Variants in WWOX observed in about 807,000 individuals in gnomAD.
WWOX encodes the protein WW domain containing oxidoreductase.
A neutral mutation model predicts 46.2 loss-of-function variants in WWOX; 69 were observed. The ratio of observed to expected loss-of-function variants is 1.49; its 90% confidence interval spans 1.23 to 1.82. The LOEUF (loss-of-function observed/expected upper bound fraction) is 1.82. Among genes scored for constraint, WWOX ranks in the 40% most tolerant of loss-of-function variants. WWOX has a pLI of 0.00. For synonymous variants in WWOX, 359 were observed against 202.6 expected, an observed-to-expected ratio of 1.77 and a Z score of -6.56; for missense variants, 919 against 542.6, an observed-to-expected ratio of 1.69 and a Z score of -6.89.
chr16:79,004,052 C>T (rs372270648), intron 8 of WWOX: 2 of 152,168 alleles, frequency 1.3e-5, no homozygotes, highest in Non-Finnish European at 2.9e-5. Flanking sequence ...CACACCATGC[C>T]TTCCCAGTCT....
chr16:78,676,863 G>T (rs541272004), intron 8 of WWOX, among the ~76,000 whole-genome samples: 1 of 152,054 alleles, frequency 6.6e-6, no homozygotes, highest in Non-Finnish European at 1.5e-5. Context: ...GTGCAGTATT[G>T]TTCCATTTTT....
At chr16:79,112,668 C>G (rs11643738) in intron 8 of WWOX, among the ~76,000 whole-genome samples, 15,044 of 152,232 alleles carry the variant, frequency 0.099, 799 homozygotes, top group Non-Finnish European at 0.1. Context: ...AATGTTTGCA[C>G]ATCATTTAAA....
chr16:78,461,482 G>T (rs1161347705), intron 8 of WWOX, among the ~76,000 whole-genome samples: 1 of 152,220 alleles, frequency 6.6e-6, no homozygotes, highest in Non-Finnish European at 1.5e-5. Flanking sequence ...TGCATAGGTG[G>T]GACTGCTGAT....
intron 8 of WWOX, among the ~76,000 whole-genome samples, chr16:78,488,362 T>C (rs1320379803): frequency 6.6e-6 from 1 of 152,262 alleles, no homozygotes; most frequent in African/African-American, 2.4e-5. Flanking sequence ...CATTTTCTAG[T>C]CTAGGTAAAG....
At chr16:78,647,764 G>T (rs2046877728) in intron 8 of WWOX, among the ~76,000 whole-genome samples, 1 of 152,164 alleles carries the variant, frequency 6.6e-6, no homozygotes, top group East Asian at 1.9e-4. Flanking sequence ...GATCTAACTG[G>T]ACCCAAGACA....
chr16:79,130,071 C>T (rs139629133), intron 8 of WWOX, among the ~76,000 whole-genome samples: 22 of 152,238 alleles, frequency 1.4e-4, no homozygotes, highest in South Asian at 6.2e-4. Flanking sequence ...TTGGAATAAC[C>T]GTGTAAGGTT....
intron 8 of WWOX, among the ~76,000 whole-genome samples, chr16:78,956,431 A>C (rs913792188): frequency 6.6e-6 from 1 of 152,164 alleles, no homozygotes; most frequent in African/African-American, 2.4e-5. Flanking sequence ...CTGGGATTAC[A>C]GGCATGAGCC....
intron 5 of WWOX, among the ~76,000 whole-genome samples, chr16:78,384,661 C>T (rs1232452531): frequency 2.0e-5 from 3 of 152,138 alleles, no homozygotes; most frequent in Admixed American, 6.5e-5. Context: ...TGGGCGTTTT[C>T]CCCTTTTCCT....
chr16:78,825,443 C>CA (rs1181795299), intron 8 of WWOX: 3 of 364,836 alleles, frequency 8.2e-6, no homozygotes, highest in African/African-American at 4.2e-5. Context: ...GCCAACAGAA[C>CA]AAAAAATGTT....
At chr16:78,387,119 C>G (rs2082076554) in intron 6 of WWOX, among the ~76,000 whole-genome samples, 171 bp downstream of exon 6, 1 of 152,194 alleles carries the variant, frequency 6.6e-6, no homozygotes, top group Non-Finnish European at 1.5e-5. Flanking sequence ...GACTCACAGT[C>G]ACCTTCATTA....
chr16:78,533,828 C>T (rs2043691232), intron 8 of WWOX, among the ~76,000 whole-genome samples: 1 of 152,222 alleles, frequency 6.6e-6, no homozygotes, highest in African/African-American at 2.4e-5. Context: ...TCCTCGCCCT[C>T]AGCATACTTG....
chr16:79,137,934 A>G (rs528395536), intron 8 of WWOX, among the ~76,000 whole-genome samples: 49 of 152,124 alleles, frequency 3.2e-4, no homozygotes, highest in African/African-American at 1.1e-3. Flanking sequence ...GAAAAAAAAA[A>G]CTTTGAAGTT....
intron 5 of WWOX, among the ~76,000 whole-genome samples, chr16:78,261,321 A>T (rs1380716965): frequency 6.6e-6 from 1 of 151,070 alleles, no homozygotes; most frequent in Non-Finnish European, 1.5e-5. Context: ...ATATAAAATT[A>T]GGTAAGAGGA....
chr16:78,777,565 C>A (rs772104011), intron 8 of WWOX, among the ~76,000 whole-genome samples: 2 of 151,952 alleles, frequency 1.3e-5, no homozygotes, highest in African/African-American at 4.8e-5. Context: ...ACTGACAGTC[C>A]CAGCGTGGTA....
At chr16:78,327,023 C>T (rs1050885873) in intron 5 of WWOX, among the ~76,000 whole-genome samples, 1 of 152,118 alleles carries the variant, frequency 6.6e-6, no homozygotes, top group Non-Finnish European at 1.5e-5. Context: ...AATAGTCATC[C>T]TTGGCTTCCT....
At chr16:78,358,891 A>T (rs1409673565) in intron 5 of WWOX, among the ~76,000 whole-genome samples, 1 of 138,284 alleles carries the variant, frequency 7.2e-6, no homozygotes, top group East Asian at 2.0e-4. Flanking sequence ...TTTTAACCAG[A>T]CATATAGTGG....
intron 8 of WWOX, among the ~76,000 whole-genome samples, chr16:78,444,457 A>G (rs2151400948): frequency 6.6e-6 from 1 of 152,174 alleles, no homozygotes; most frequent in Admixed American, 6.5e-5. Context: ...TGAACCTACC[A>G]TCATTTATTA....
At chr16:78,566,976 C>A (rs137975551) in intron 8 of WWOX, among the ~76,000 whole-genome samples, 2,109 of 152,324 alleles carry the variant, frequency 0.014, 36 homozygotes, top group Middle Eastern at 0.048. Flanking sequence ...CCAGTGTAAT[C>A]ATAGCAGAAA....
intron 8 of WWOX, among the ~76,000 whole-genome samples, chr16:78,820,406 A>C (rs772809071): frequency 6.6e-6 from 1 of 152,166 alleles, no homozygotes; most frequent in Non-Finnish European, 1.5e-5. Flanking sequence ...TATTGTTTGG[A>C]GACATCTCAG....
Sources: allele counts gnomAD v4.1 joint callset (sites outside exome capture counted in the v4.1 genomes callset), GRCh38; gene constraint gnomAD v4.1.1; transcripts MANE v1.5; gene names NCBI Gene and HGNC (gene_info 2026-07-23, HGNC 2026-07-21).